Variants in SNTG1 observed in about 807,000 individuals in gnomAD.
The protein encoded by SNTG1 is gamma-1-syntrophin.
A neutral mutation model predicts 74.7 loss-of-function variants in SNTG1; 39 were observed. The ratio of observed to expected loss-of-function variants is 0.52; its 90% CI spans 0.40 to 0.68. The LOEUF is 0.68. SNTG1 is among the 30% of genes least tolerant of loss of function. The pLI, the probability that SNTG1 is intolerant of heterozygous loss-of-function variation, is 0.00. For missense variants in SNTG1, 685 were observed against 609.5 expected, an observed-to-expected ratio of 1.12 and a Z score of -1.30; for synonymous variants, 254 against 217.1, an observed-to-expected ratio of 1.17 and a Z score of -1.49.
intron 1 of SNTG1, among the ~76,000 whole-genome samples, chr8:50,154,455 G>A (rs956025568): frequency 3.3e-5 from 5 of 152,032 alleles, no homozygotes; most frequent in African/African-American, 4.8e-5. Flanking sequence ...ACTGTCCAAC[G>A]TGCCCCAGTG....
At chr8:50,683,665 T>C (rs2095340201) in intron 15 of SNTG1, among the ~76,000 whole-genome samples, 2 of 152,208 alleles carry the variant, frequency 1.3e-5, no homozygotes, top group African/African-American at 4.8e-5. Flanking sequence ...ATTCCCTTTA[T>C]ATCCCATGGT....
chr8:49,940,171 C>T (rs539356506), intron 1 of SNTG1, among the ~76,000 whole-genome samples: 1 of 152,166 alleles, frequency 6.6e-6, no homozygotes, highest in Non-Finnish European at 1.5e-5. Context: ...ATGGCACAAA[C>T]CAAATGCCCT....
intron 9 of SNTG1, among the ~76,000 whole-genome samples, chr8:50,527,251 C>G (rs912734709): frequency 3.3e-5 from 5 of 152,022 alleles, no homozygotes; most frequent in Admixed American, 1.3e-4. Flanking sequence ...AGCCTTTTGC[C>G]AGTGATATAA....
intron 1 of SNTG1, among the ~76,000 whole-genome samples, chr8:50,162,157 A>G (rs572154049): frequency 6.6e-5 from 10 of 152,256 alleles, no homozygotes; most frequent in African/African-American, 2.4e-4. Context: ...AGAATTAGTC[A>G]CCCTGGTTCT....
chr8:50,536,868 A>G, intron 11 of SNTG1, 60 bp downstream of exon 11: 1 of 1,595,924 alleles, frequency 6.3e-7, no homozygotes, highest in Non-Finnish European at 8.6e-7. Context: ...CCTTTTAGAA[A>G]ACCTTTTGAC....
chr8:50,282,124 A>T (rs1189462587), intron 2 of SNTG1, among the ~76,000 whole-genome samples: 1 of 151,946 alleles, frequency 6.6e-6, no homozygotes, highest in Non-Finnish European at 1.5e-5. Context: ...CATAAGATAA[A>T]CCCCTTCCCC....
At chr8:50,290,946 T>C (rs1173444647) in intron 2 of SNTG1, among the ~76,000 whole-genome samples, 1 of 151,980 alleles carries the variant, frequency 6.6e-6, no homozygotes, top group Non-Finnish European at 1.5e-5. Context: ...TTTATAAAGA[T>C]GAGGTTTTGC....
At position 50,492,991 on chromosome 8, in the gene SNTG1, A is replaced by C. The variant is rs186015179; in HGVS notation, c.364-9787A>C. On this transcript the variant is annotated intron_variant, in intron 8 of 18. Coordinates refer to ENST00000642720, the MANE Select transcript of SNTG1 (RefSeq NM_018967.5). ...TATATAGACCAATGGAACAGAACGG[A>C]GGCCTCAGAAATAACACCACACATC... Among the ~76,000 whole-genome samples the C allele has an allele frequency of 1.1e-4, 16 of 152,284 alleles. No individual in the cohort carries two copies. The East Asian group carries it at 3.1e-3, about 29-fold the overall frequency.
At chr8:50,258,571 T>C (rs1399567002) in intron 2 of SNTG1, among the ~76,000 whole-genome samples, 1 of 152,108 alleles carries the variant, frequency 6.6e-6, no homozygotes, top group Non-Finnish European at 1.5e-5. Context: ...AACTAGAGAA[T>C]ATCAACAAAA....
At chr8:50,256,049 T>C (rs987066311) in intron 2 of SNTG1, among the ~76,000 whole-genome samples, 1 of 152,230 alleles carries the variant, frequency 6.6e-6, no homozygotes, top group African/African-American at 2.4e-5. Flanking sequence ...AAACAAAGCA[T>C]GTTGTCTGCT....
chr8:50,580,390 G>T (rs976338973), intron 12 of SNTG1, among the ~76,000 whole-genome samples: 9 of 152,150 alleles, frequency 5.9e-5, no homozygotes, highest in Non-Finnish European at 1.3e-4. Flanking sequence ...ATGAGTTAAG[G>T]CTTTGGGGGA....
chr8:50,730,367 CAT>C (rs766303383), intron 17 of SNTG1, among the ~76,000 whole-genome samples: 35 of 152,236 alleles, frequency 2.3e-4, no homozygotes, highest in Non-Finnish European at 4.4e-4. Flanking sequence ...AGTGAAAGCA[CAT>C]ATCTCTTCAA....
intron 9 of SNTG1, among the ~76,000 whole-genome samples, chr8:50,509,276 C>T (rs1041092721): frequency 6.6e-6 from 1 of 152,112 alleles, no homozygotes; most frequent in Non-Finnish European, 1.5e-5. Flanking sequence ...TTCCATTGGT[C>T]TCTATCTCTG....
Position 50,404,802 on chromosome 8 carries a change from A to G in SNTG1, c.162+2458A>G, listed in dbSNP as rs141340166. The stretch of plus-strand genomic sequence containing the variant: ...GAAACTCTGTACGCATTAAACAGTA[A>G]CTCTCCATGCTCTCCTCCTCTTAAC... On this transcript the variant is annotated intron_variant, in intron 4 of 18. Transcript: ENST00000642720. 1.7e-3 allele frequency among the ~76,000 whole-genome samples: 264 copies of G among 152,064 alleles called. 4 individuals are homozygous for G. The highest frequency in any genetic ancestry group is 6.0e-3 in the African/African-American group (251 of 41,520).
intron 1 of SNTG1, among the ~76,000 whole-genome samples, chr8:50,160,936 G>T (rs1210726808): frequency 6.6e-6 from 1 of 152,136 alleles, no homozygotes; most frequent in Non-Finnish European, 1.5e-5. Context: ...GGGGAAAGGG[G>T]AGTTCAGGCA....
At chr8:49,990,450 C>T (rs1366007876) in intron 1 of SNTG1, among the ~76,000 whole-genome samples, 1 of 152,008 alleles carries the variant, frequency 6.6e-6, no homozygotes, top group African/African-American at 2.4e-5. Flanking sequence ...ATATGAAATG[C>T]AATGGATCCA....
At chr8:50,075,943 A>G (rs1164204178) in intron 1 of SNTG1, among the ~76,000 whole-genome samples, 1 of 152,196 alleles carries the variant, frequency 6.6e-6, no homozygotes, top group Non-Finnish European at 1.5e-5. Context: ...TAAGAACTGT[A>G]ACACTCACCA....
chr8:50,328,010 CCTATTA>C (rs1366899738), intron 2 of SNTG1, among the ~76,000 whole-genome samples: 1 of 151,928 alleles, frequency 6.6e-6, no homozygotes, highest in Non-Finnish European at 1.5e-5. Flanking sequence ...TTATATATAA[CCTATTA>C]TTATGAAACA....
intron 2 of SNTG1, among the ~76,000 whole-genome samples, chr8:50,350,707 T>G (rs1252403404): frequency 1.3e-5 from 2 of 152,234 alleles, no homozygotes; most frequent in Non-Finnish European, 2.9e-5. Flanking sequence ...ATCTAGCTAC[T>G]CTGGTGGGGA....
Sources: gnomAD v4.1 joint callset for allele counts (sites outside exome capture counted in the v4.1 genomes callset) on GRCh38, gnomAD v4.1.1 for gene constraint, MANE v1.5 for transcripts, NCBI Gene and HGNC (gene_info 2026-07-23, HGNC 2026-07-21) for gene names.